Variants in OR2L13 observed in about 807,000 individuals in gnomAD.
OR2L13 encodes olfactory receptor 2L13.
Under a neutral mutation model 15.3 loss-of-function variants are expected in OR2L13, and 14 were observed. That is an observed-to-expected ratio of 0.91 (90% CI 0.60 to 1.43). The LOEUF (loss-of-function observed/expected upper bound fraction) is 1.43. Among genes scored for constraint, OR2L13 ranks in the 40% most tolerant of loss-of-function variants. The pLI is 0.00. For missense variants in OR2L13, 367 were observed against 387.9 expected (o/e 0.95, Z 0.45); for synonymous variants, 152 against 142.9 (o/e 1.06, Z -0.45).
the OR2L13 span, among the ~76,000 whole-genome samples, chr1:247,960,164 G>C: frequency 6.6e-6 from 1 of 152,292 alleles, no homozygotes; most frequent in Admixed American, 6.5e-5. Context: ...TAACAGTCAG[G>C]ACCCTCAGCT....
upstream of OR2L13, among the ~76,000 whole-genome samples, chr1:248,096,292 A>G (rs534850280): frequency 1.0e-3 from 153 of 152,040 alleles, no homozygotes; most frequent in African/African-American, 3.5e-3. Context: ...CTGAGGCAGG[A>G]GAAGGGCGTG....
At chr1:247,937,739 C>G in the OR2L13 span, among the ~76,000 whole-genome samples, 1 of 152,260 alleles carries the variant, frequency 6.6e-6, no homozygotes, top group South Asian at 2.1e-4. Context: ...CGCCTCTCCC[C>G]TAAGTAATGT....
chr1:247,991,308 AATT>A, the OR2L13 span: 2 of 684,792 alleles, frequency 2.9e-6, no homozygotes, highest in South Asian at 4.4e-5. Flanking sequence ...GTCAAACGGA[AATT>A]AATCTAAAAG....
chr1:248,023,659 T>C, the OR2L13 span: 1 of 152,350 alleles, frequency 6.6e-6, no homozygotes, highest in Admixed American at 6.5e-5. Flanking sequence ...TCAACTCCTC[T>C]GCTCCACTAT....
chr1:248,061,437 A>T, the OR2L13 span: 4 of 1,611,968 alleles, frequency 2.5e-6, no homozygotes, highest in Middle Eastern at 1.7e-4. Flanking sequence ...TCTACTATGC[A>T]CCTTTTGTCT....
chr1:247,967,374 A>G, the OR2L13 span, among the ~76,000 whole-genome samples: 509 of 151,836 alleles, frequency 3.4e-3, 4 homozygotes, highest in African/African-American at 0.012. Flanking sequence ...GATTACAGGC[A>G]CCCGCCACCA....
At chr1:248,082,284 T>C in the OR2L13 span, among the ~76,000 whole-genome samples, 2 of 138,962 alleles carry the variant, frequency 1.4e-5, no homozygotes, top group Non-Finnish European at 1.5e-5. Flanking sequence ...TAGGTGGGAA[T>C]TGAACAATGA....
chr1:247,980,758 A>G, the OR2L13 span: 2 of 152,310 alleles, frequency 1.3e-5, no homozygotes, highest in South Asian at 4.1e-4. Flanking sequence ...CATGGTTGCT[A>G]CTGAATCACC....
chr1:247,937,911 A>G, the OR2L13 span, among the ~76,000 whole-genome samples: 4 of 152,212 alleles, frequency 2.6e-5, no homozygotes, highest in East Asian at 7.7e-4. Context: ...GCCTTTCACA[A>G]TTGGAAAATT....
chr1:247,944,985 GTT>G, the OR2L13 span, among the ~76,000 whole-genome samples: 1 of 151,446 alleles, frequency 6.6e-6, no homozygotes, highest in Non-Finnish European at 1.5e-5. Flanking sequence ...TTTTTGAAGG[GTT>G]TTTTGTGTCT....
At chr1:248,042,380 A>G in the OR2L13 span, 2 of 149,768 alleles carry the variant, frequency 1.3e-5, no homozygotes, top group African/African-American at 4.9e-5. Context: ...GGGGAGGGAT[A>G]GCATTGGGAG....
At chr1:247,987,349 A>G in the OR2L13 span, among the ~76,000 whole-genome samples, 1 of 149,916 alleles carries the variant, frequency 6.7e-6, no homozygotes, top group Non-Finnish European at 1.5e-5. Context: ...CTTTTAATTA[A>G]GATAACTTTT....
At chr1:247,948,056 G>C in the OR2L13 span, among the ~76,000 whole-genome samples, 1 of 151,934 alleles carries the variant, frequency 6.6e-6, no homozygotes, top group Non-Finnish European at 1.5e-5. Flanking sequence ...GTCTACAAAA[G>C]TATAAAGTTA....
chr1:247,956,706 A>G, the OR2L13 span, among the ~76,000 whole-genome samples: 3 of 151,574 alleles, frequency 2.0e-5, no homozygotes, highest in Admixed American at 6.6e-5. Context: ...CTTTGAAGCA[A>G]TTGTGAATGG....
chr1:248,053,364 T>C, the OR2L13 span, among the ~76,000 whole-genome samples: 1 of 152,206 alleles, frequency 6.6e-6, no homozygotes, highest in African/African-American at 2.4e-5. Flanking sequence ...TTAATGGACA[T>C]TTGGGTTGAT....
At chr1:247,983,369 A>G in the OR2L13 span, among the ~76,000 whole-genome samples, 3 of 152,178 alleles carry the variant, frequency 2.0e-5, no homozygotes, top group South Asian at 2.1e-4. Flanking sequence ...TCACTATGAA[A>G]CCATCATCAG....
the OR2L13 span, among the ~76,000 whole-genome samples, chr1:247,958,949 G>T: frequency 6.6e-6 from 1 of 152,096 alleles, no homozygotes; most frequent in African/African-American, 2.4e-5. Context: ...TACTTTTAAG[G>T]TTAATATTGT....
At chr1:248,070,783 A>G in the OR2L13 span, among the ~76,000 whole-genome samples, 4 of 152,354 alleles carry the variant, frequency 2.6e-5, no homozygotes, top group South Asian at 8.3e-4. Context: ...ATAAAAAATG[A>G]TAAAGTGGAT....
At chr1:248,037,074 A>T in the OR2L13 span, among the ~76,000 whole-genome samples, 1 of 152,146 alleles carries the variant, frequency 6.6e-6, no homozygotes, top group East Asian at 1.9e-4. Context: ...AGAATTCAGA[A>T]ATTGGATGAG....
Sources: gnomAD v4.1 joint callset for allele counts (sites outside exome capture counted in the v4.1 genomes callset) on GRCh38, gnomAD v4.1.1 for gene constraint, MANE v1.5 for transcripts, NCBI Gene and HGNC (gene_info 2026-07-23, HGNC 2026-07-21) for gene names.